The following SLC1A3 variants were observed in gnomAD, a reference collection of about 807,000 sequenced individuals.
SLC1A3 encodes the protein solute carrier family 1 member 3.
In SLC1A3, 21 loss-of-function variants were observed where a neutral mutation model predicts 48.1. The observed-to-expected ratio is 0.44, with a 90% CI of 0.31 to 0.63. The LOEUF is 0.63. Ranked by LOEUF, SLC1A3 falls within the 20% of genes least tolerant of loss-of-function variation. SLC1A3 has a pLI of 0.08. For missense variants in SLC1A3, 546 were observed against 689.0 expected (o/e 0.79, Z 2.32); for synonymous variants, 239 against 251.4 (o/e 0.95, Z 0.47).
intron 3 of SLC1A3, among the ~76,000 whole-genome samples, chr5:36,644,138 C>A (rs1050549076): frequency 1.3e-5 from 2 of 151,608 alleles, no homozygotes; most frequent in Non-Finnish European, 1.5e-5. Context: ...CGTCTCCCCC[C>A]ACCCCCCATA....
intron 3 of SLC1A3, among the ~76,000 whole-genome samples, chr5:36,658,063 T>C (rs1039245560): frequency 6.6e-5 from 10 of 152,128 alleles, no homozygotes. Flanking sequence ...CAAAGAGACT[T>C]TGCCAGTCTC....
intron 2 of SLC1A3, chr5:36,612,774 C>T (rs1239256736): frequency 2.2e-6 from 1 of 455,972 alleles, no homozygotes; most frequent in Admixed American, 2.4e-5. Flanking sequence ...AAATCCTTAC[C>T]ACACAGCTGA....
In SLC1A3 at chr5:36,683,356, T is replaced by G. The variant is rs759791990; in HGVS notation, c.1290-508T>G. Among the ~76,000 whole-genome samples the G allele has an allele frequency of 2.9e-4, 44 of 152,232 alleles. 1 individual carries two copies. In the Middle Eastern group the frequency reaches 0.02, roughly 71 times the overall value. On this transcript the variant is annotated intron_variant, in intron 8 of 9. Transcript: ENST00000265113. ...CATGCTTAGTATATCAGAAGACACA[T>G]AGTAAGCACATGATAAATATTAGTT...
chr5:36,686,052 ACCCTGCCTG>A lies in SLC1A3; in HGVS notation c.1425-11_1425-3del. 6.2e-7 allele frequency: 1 copy of A among 1,612,016 alleles called. No homozygotes were observed. The highest frequency in any genetic ancestry group is 8.5e-7 in the Non-Finnish European group (1 of 1,178,462). On this transcript the variant is annotated splice_region_variant and splice_polypyrimidine_tract_variant and intron_variant, in intron 9 of 9. Transcript: ENST00000265113. ...GGAGCCTCGTTTTTCCCTCCTCCCC[ACCCTGCCTG>A]CAGGGATCGCCTCCGGACCACCACC...
In SLC1A3 at chr5:36,653,868, G is replaced by A. The variant is rs147053295; in HGVS notation, c.320-17161G>A. On this transcript the variant is annotated intron_variant, in intron 3 of 9. Transcript: ENST00000265113. Reference sequence around the variant, plus strand: ...TTGTTTGTTTGTTTTGTTTTTGAGAGAGCCTCGCTCTGTCGCCCAGACTGG... The same window carrying A: ...TTGTTTGTTTGTTTTGTTTTTGAGAAAGCCTCGCTCTGTCGCCCAGACTGG... 6.1e-3 allele frequency among the ~76,000 whole-genome samples: 934 copies of A among 152,314 alleles called. 10 individuals carry two copies. The highest frequency in any genetic ancestry group is 0.021 in the African/African-American group (879 of 41,572).
At chr5:36,627,794 G>A (rs1361565905) in intron 2 of SLC1A3, among the ~76,000 whole-genome samples, 1 of 152,180 alleles carries the variant, frequency 6.6e-6, no homozygotes. Flanking sequence ...CACATAAAGG[G>A]GTTAAGAACC....
intron 1 of SLC1A3, chr5:36,608,118 G>T (rs1739032760): frequency 6.5e-6 from 2 of 306,822 alleles, no homozygotes; most frequent in Admixed American, 9.1e-5. Context: ...TTTTTAAAAA[G>T]AAAATAGAAT....
Position 36,686,365 on chromosome 5 carries a change from T to C in SLC1A3, c.*96T>C, listed in dbSNP as rs758596707. ...CAGCTCATTCGCTCCAGCAAGCCCG[T>C]CATCTTCCCTTTCCTCCCTTCTGAT... On this transcript the variant is annotated 3_prime_UTR_variant, in exon 10 of 10. Transcript: ENST00000265113. 5.2e-6 allele frequency: 5 copies of C among 961,428 alleles called. No homozygotes were observed. Among genetic ancestry groups the C allele is most frequent in the Non-Finnish European group, 8.4e-6 (5 of 595,852 alleles). The allele number at this position is 961,428 out of a possible 1,614,324, so 59.6% of individuals were successfully genotyped here.
intron 9 of SLC1A3, among the ~76,000 whole-genome samples, 156 bp downstream of exon 9, chr5:36,684,154 C>G (rs1354174205): frequency 6.6e-6 from 1 of 152,236 alleles, no homozygotes; most frequent in Non-Finnish European, 1.5e-5. Flanking sequence ...ACCCCTGGTC[C>G]TTATCTGGAG....
At chr5:36,637,226 C>G (rs750094814) in intron 3 of SLC1A3, among the ~76,000 whole-genome samples, 1 of 152,148 alleles carries the variant, frequency 6.6e-6, no homozygotes, top group Non-Finnish European at 1.5e-5. Context: ...TAATGCAGGC[C>G]AAGGTTGGGT....
intron 1 of SLC1A3, among the ~76,000 whole-genome samples, chr5:36,600,343 T>C (rs1242838257): frequency 1.3e-5 from 2 of 152,196 alleles, no homozygotes; most frequent in East Asian, 3.8e-4. Context: ...CACCTCACTC[T>C]TCAGTTTGGA....
rs184529814 is a variant in SLC1A3 at position 36,638,541 on chromosome 5, A to C, written c.319+8954A>C. Among the ~76,000 whole-genome samples the C allele has an allele frequency of 3.3e-5, 5 of 152,288 alleles. No individual in the cohort carries two copies. The East Asian group carries it at 9.7e-4, about 29-fold the overall frequency. On this transcript the variant is annotated intron_variant, in intron 3 of 9. Coordinates refer to ENST00000265113, the MANE Select transcript of SLC1A3 (RefSeq NM_004172.5). The stretch of plus-strand genomic sequence containing the variant: ...GAGTACCTGTCACTGTCACTCATAC[A>C]TTACCAGCACATGCTGTCATGCTCC...
rs768110692 is a variant in SLC1A3, at chr5:36,680,602, A to T, written c.1289+13A>T. On this transcript the variant is annotated intron_variant, in intron 8 of 9. Transcript: ENST00000265113. ...TTATTACAATCAGGTACAAGGAAAG[A>T]GTTCTATACACCCTTTCTTAAGAAT... is the stretch of plus-strand genomic sequence containing the variant. 3.8e-6 allele frequency: 6 copies of T among 1,599,570 alleles called. No homozygotes were observed. The East Asian group carries it at 1.3e-4, about 36-fold the overall frequency.
At chr5:36,650,909 A>G (rs577800974) in intron 3 of SLC1A3, among the ~76,000 whole-genome samples, 1 of 152,230 alleles carries the variant, frequency 6.6e-6, no homozygotes, top group African/African-American at 2.4e-5. Flanking sequence ...AGGCATAAGC[A>G]TAACTAGAAT....
chr5:36,600,641 C>T (rs980149990), intron 1 of SLC1A3, among the ~76,000 whole-genome samples: 5 of 152,110 alleles, frequency 3.3e-5, no homozygotes, highest in Admixed American at 6.5e-5. Context: ...TTCTATGACT[C>T]AAAAATGAAC....
intron 3 of SLC1A3, among the ~76,000 whole-genome samples, chr5:36,646,375 T>G (rs898490357): frequency 1.5e-4 from 23 of 152,220 alleles, no homozygotes; most frequent in Non-Finnish European, 4.4e-5. Context: ...TGTGTTGAAA[T>G]CCACACAAGG....
intron 3 of SLC1A3, among the ~76,000 whole-genome samples, chr5:36,641,943 T>C (rs1464183186): frequency 6.6e-6 from 1 of 152,234 alleles, no homozygotes; most frequent in East Asian, 1.9e-4. Context: ...TGATTGACAA[T>C]TTCAAATGTT....
intron 3 of SLC1A3, among the ~76,000 whole-genome samples, chr5:36,637,143 T>G (rs554947537): frequency 6.6e-6 from 1 of 152,298 alleles, no homozygotes; most frequent in East Asian, 1.9e-4. Flanking sequence ...TCCACTGTGC[T>G]CCCAGAGCTG....
chr5:36,600,224 G>C (rs1157538010), intron 1 of SLC1A3, among the ~76,000 whole-genome samples: 4 of 152,084 alleles, frequency 2.6e-5, no homozygotes, highest in Non-Finnish European at 5.9e-5. Flanking sequence ...GGGTGAATCA[G>C]TGGCTCTGCC....
Sources: allele counts gnomAD v4.1 joint callset (sites outside exome capture counted in the v4.1 genomes callset), GRCh38; gene constraint gnomAD v4.1.1; transcripts MANE v1.5; gene names NCBI Gene and HGNC (gene_info 2026-07-23, HGNC 2026-07-21).